The following LYN variants were observed in gnomAD, a reference collection of about 807,000 sequenced individuals.
LYN encodes LYN proto-oncogene, Src family tyrosine kinase.
LYN carries 12 observed loss-of-function variants against 65.0 expected under a neutral mutation model. The ratio of observed to expected loss-of-function variants is 0.18; its 90% CI spans 0.12 to 0.30. The LOEUF is 0.30. Among genes scored for constraint, LYN ranks in the 10% least tolerant of loss-of-function variants. LYN has a pLI of 1.00. For missense variants in LYN, 380 were observed against 623.2 expected (o/e 0.61, Z 4.16); for synonymous variants, 222 against 221.2 (o/e 1.00, Z -0.03).
chr8:55,956,753 C>T (rs1282682885), intron 8 of LYN, among the ~76,000 whole-genome samples: 1 of 152,188 alleles, frequency 6.6e-6, no homozygotes. Flanking sequence ...GGGACTTCTG[C>T]GTTCTCTTCC....
intron 1 of LYN, among the ~76,000 whole-genome samples, chr8:55,931,066 T>A (rs1806254897): frequency 6.7e-6 from 1 of 149,378 alleles, no homozygotes; most frequent in Non-Finnish European, 1.5e-5. Context: ...TTCTGTCATA[T>A]ACATATACGT....
chr8:55,892,548 C>T (rs1256714856), intron 1 of LYN, among the ~76,000 whole-genome samples: 1 of 152,134 alleles, frequency 6.6e-6, no homozygotes, highest in Non-Finnish European at 1.5e-5. Context: ...AAGAAAGTAT[C>T]TTTCTTTTTT....
At chr8:55,949,738 T>TCC (rs1491500859) in intron 4 of LYN, among the ~76,000 whole-genome samples, 2 of 151,712 alleles carry the variant, frequency 1.3e-5, no homozygotes, top group Non-Finnish European at 2.9e-5. Flanking sequence ...CTTTTCTTTG[T>TCC]CTCTCTCTCT....
chr8:55,972,406 T>C (rs1451867468), intron 10 of LYN, among the ~76,000 whole-genome samples: 4 of 152,186 alleles, frequency 2.6e-5, no homozygotes, highest in African/African-American at 9.7e-5. Flanking sequence ...GCTTTTCTTA[T>C]TATAATACAG....
chr8:56,008,617 G>A (rs1761227227), intron 12 of LYN, among the ~76,000 whole-genome samples: 1 of 152,128 alleles, frequency 6.6e-6, no homozygotes, highest in South Asian at 2.1e-4. Context: ...ACCCTTTAAA[G>A]CTATTCTCAG....
At chr8:55,912,152 G>T (rs563395479) in intron 1 of LYN, among the ~76,000 whole-genome samples, 1 of 152,314 alleles carries the variant, frequency 6.6e-6, no homozygotes, top group African/African-American at 2.4e-5. Context: ...GAAAAGAAAT[G>T]ATGGTAAAAA....
At chr8:55,959,129 GT>G (rs796446717) in intron 8 of LYN, among the ~76,000 whole-genome samples, 14 of 152,228 alleles carry the variant, frequency 9.2e-5, no homozygotes, top group African/African-American at 3.1e-4. Flanking sequence ...GTTATTTTCT[GT>G]TTTGGGGATT....
At chr8:55,895,097 C>T (rs1040307203) in intron 1 of LYN, among the ~76,000 whole-genome samples, 6 of 152,168 alleles carry the variant, frequency 3.9e-5, no homozygotes, top group Admixed American at 1.3e-4. Flanking sequence ...GGATTACAGA[C>T]GTGAACCACT....
At position 55,913,862 on chromosome 8, in the gene LYN, AT is replaced by A. The variant is rs368238251; in HGVS notation, c.-5-27992del. ...AGCAAGTGCGAGGGCACCAGAAGGT[AT>A]GAAGGGCCTTGGAGTACTGGGCTTT... is the stretch of plus-strand genomic sequence containing the variant. On this transcript the variant is annotated intron_variant, in intron 1 of 12. Coordinates refer to ENST00000519728, the MANE Select transcript of LYN (RefSeq NM_002350.4). Among the ~76,000 whole-genome samples the A allele has an allele frequency of 5.4e-4, 83 of 152,304 alleles. No individual in the cohort carries two copies. The East Asian group carries it at 0.012, about 23-fold the overall frequency.
chr8:55,997,159 CA>C (rs11412762), intron 10 of LYN, among the ~76,000 whole-genome samples: 2,624 of 100,440 alleles, frequency 0.026, 44 homozygotes, highest in African/African-American at 0.06. Context: ...GAGACTGTCT[CA>C]AAAAAAAAAA....
chr8:55,958,351 G>A (rs937640524), intron 8 of LYN, among the ~76,000 whole-genome samples: 3 of 152,170 alleles, frequency 2.0e-5, no homozygotes, highest in Admixed American at 6.5e-5. Flanking sequence ...ATGGAGTGTT[G>A]GAAAGTATCT....
At chr8:55,903,883 G>A (rs1451689512) in intron 1 of LYN, among the ~76,000 whole-genome samples, 1 of 152,122 alleles carries the variant, frequency 6.6e-6, no homozygotes, top group East Asian at 1.9e-4. Flanking sequence ...AGGCATGGTG[G>A]CATGGCCCTG....
chr8:55,973,386 C>A (rs1301423393), intron 10 of LYN, among the ~76,000 whole-genome samples: 1 of 152,222 alleles, frequency 6.6e-6, no homozygotes, highest in Admixed American at 6.5e-5. Flanking sequence ...TTACCCACTG[C>A]TTTTCTCTTT....
intron 1 of LYN, among the ~76,000 whole-genome samples, chr8:55,886,062 C>T (rs1429946049): frequency 6.6e-6 from 1 of 152,026 alleles, no homozygotes; most frequent in African/African-American, 2.4e-5. Context: ...GAAAAATGTA[C>T]ATTTTGAAAT....
intron 8 of LYN, among the ~76,000 whole-genome samples, chr8:55,963,960 A>C (rs1016703847): frequency 6.6e-6 from 1 of 152,146 alleles, no homozygotes; most frequent in African/African-American, 2.4e-5. Flanking sequence ...ATTTATAATA[A>C]AACCTTTTTG....
In LYN at chr8:55,911,180, T is replaced by TGTATATATATACGTGTATATATATGTAC. The variant is rs1554576210; in HGVS notation, c.-5-30675_-5-30674insGTATATATATACGTGTATATATATGTAC. 6.7e-3 allele frequency among the ~76,000 whole-genome samples: 150 copies of TGTATATATATACGTGTATATATATGTAC among 22,328 alleles called. 35 individuals are homozygous for TGTATATATATACGTGTATATATATGTAC. The highest frequency in any genetic ancestry group is 0.057 in the East Asian group (8 of 140). 14.6% of individuals were successfully genotyped at this position (22,328 alleles called of 152,430 possible). A position where few individuals can be genotyped will look rare whatever the true frequency, so the allele number is the denominator to read the frequency against. On this transcript the variant is annotated intron_variant, in intron 1 of 12. Transcript: ENST00000519728. ...ATGTACATATATATACACGTATATA[T>TGTATATATATACGTGTATATATATGTAC]ATATATATACACACACACATATATA...
chr8:55,937,916 C>T (rs1289192934), intron 1 of LYN, among the ~76,000 whole-genome samples: 2 of 152,132 alleles, frequency 1.3e-5, no homozygotes, highest in South Asian at 2.1e-4. Context: ...AGGCCAGTCT[C>T]GAACCCCTGA....
chr8:55,984,335 G>A (rs569870164), intron 10 of LYN, among the ~76,000 whole-genome samples: 4 of 152,310 alleles, frequency 2.6e-5, no homozygotes, highest in Non-Finnish European at 2.9e-5. Flanking sequence ...AGCCCCTGCT[G>A]GCTCAGCATC....
At chr8:55,902,486 C>T (rs2130384735) in intron 1 of LYN, among the ~76,000 whole-genome samples, 1 of 151,884 alleles carries the variant, frequency 6.6e-6, no homozygotes, top group East Asian at 1.9e-4. Context: ...CTCCACAACG[C>T]CCAGCTAATT....
Sources: allele counts gnomAD v4.1 joint callset (sites outside exome capture counted in the v4.1 genomes callset), GRCh38; gene constraint gnomAD v4.1.1; transcripts MANE v1.5; gene names NCBI Gene and HGNC (gene_info 2026-07-23, HGNC 2026-07-21).